The following HEATR4 variants were observed in gnomAD, a reference collection of about 807,000 sequenced individuals.
The protein encoded by HEATR4 is HEAT repeat-containing protein 4.
HEATR4 carries 95 observed loss-of-function variants against 108.8 expected under a neutral mutation model. That is an observed-to-expected ratio of 0.87 (90% confidence interval 0.74 to 1.04). The LOEUF (loss-of-function observed/expected upper bound fraction) is 1.04. Among genes scored for constraint, HEATR4 ranks in the 50% least tolerant of loss-of-function variants. The pLI is 0.00. For synonymous variants in HEATR4, 443 were observed against 459.4 expected (o/e 0.96, Z 0.46); for missense variants, 1,152 against 1,253.8 (o/e 0.92, Z 1.23).
At chr14:73,624,111 AC>A in the HEATR4 span, among the ~76,000 whole-genome samples, 8 of 151,602 alleles carry the variant, frequency 5.3e-5, no homozygotes, top group African/African-American at 1.9e-4. Context: ...ACATAGTGAA[AC>A]CCTGTTTCTA....
chr14:73,570,526 G>A, the HEATR4 span, among the ~76,000 whole-genome samples: 4 of 151,864 alleles, frequency 2.6e-5, no homozygotes, highest in Non-Finnish European at 4.4e-5. Flanking sequence ...CTGAGATCGC[G>A]CCACTGCACT....
chr14:73,612,259 T>G, the HEATR4 span, among the ~76,000 whole-genome samples: 1 of 152,168 alleles, frequency 6.6e-6, no homozygotes, highest in African/African-American at 2.4e-5. Flanking sequence ...AGGCTGGTCT[T>G]GAACTCCTAA....
chr14:73,553,281 C>T (rs562081557), intron 1 of HEATR4, among the ~76,000 whole-genome samples: 2 of 113,968 alleles, frequency 1.8e-5, no homozygotes, highest in African/African-American at 2.8e-5. Context: ...CTGAGGTGGG[C>T]GGATTACCTG....
chr14:73,602,886 G>A, the HEATR4 span, among the ~76,000 whole-genome samples: 6,618 of 152,208 alleles, frequency 0.043, 179 homozygotes, highest in Middle Eastern at 0.075. Context: ...ATTTAGAGAT[G>A]AGAAAAGACA....
intron 14 of HEATR4, among the ~76,000 whole-genome samples, 185 bp from the exon 15 acceptor site, chr14:73,496,864 G>C (rs1201435764): frequency 6.6e-6 from 1 of 152,098 alleles, no homozygotes; most frequent in Non-Finnish European, 1.5e-5. Context: ...TGCAGTTTTT[G>C]AGACAATATA....
the HEATR4 span, among the ~76,000 whole-genome samples, chr14:73,608,135 G>A: frequency 6.6e-6 from 1 of 151,508 alleles, no homozygotes; most frequent in African/African-American, 2.4e-5. Flanking sequence ...ATCTTGGCCA[G>A]GCTGATCTTA....
chr14:73,496,395 T>C (rs1467556404), intron 15 of HEATR4, among the ~76,000 whole-genome samples: 1 of 152,218 alleles, frequency 6.6e-6, no homozygotes. Context: ...ATTTTTGTTT[T>C]GTTTTTGTCT....
the HEATR4 span, chr14:73,592,096 T>C: frequency 6.7e-7 from 1 of 1,500,576 alleles, no homozygotes. Context: ...GGCGCGCTCT[T>C]CCGGGCCCAC....
intron 5 of HEATR4, among the ~76,000 whole-genome samples, chr14:73,516,514 C>T (rs1479477066): frequency 6.8e-6 from 1 of 147,972 alleles, no homozygotes; most frequent in African/African-American, 2.5e-5. Flanking sequence ...GATATTTAAC[C>T]TCATAGGAAT....
chr14:73,491,875 G>GT (rs1384361577), intron 17 of HEATR4: 2 of 1,611,240 alleles, frequency 1.2e-6, no homozygotes, highest in Non-Finnish European at 1.7e-6. Context: ...CCGCCGCCGC[G>GT]TGGTCCCTGT....
At chr14:73,619,253 C>T in the HEATR4 span, 718 of 1,589,902 alleles carry the variant, frequency 4.5e-4, no homozygotes, top group African/African-American at 7.4e-3. Context: ...CCTAGTATTG[C>T]GCTTCTTGGA....
the HEATR4 span, chr14:73,619,243 C>G: frequency 1.3e-6 from 2 of 1,582,352 alleles, no homozygotes; most frequent in South Asian, 2.4e-5. Context: ...GGTGAAAGGT[C>G]CTAGTATTGC....
the HEATR4 span, chr14:73,617,146 T>C: frequency 6.2e-7 from 1 of 1,614,080 alleles, no homozygotes. Flanking sequence ...GATGTACATC[T>C]GGAGTACTTT....
chr14:73,491,704 G>A (rs1249918303), intron 17 of HEATR4: 9 of 1,550,176 alleles, frequency 5.8e-6, no homozygotes, highest in Admixed American at 3.9e-5. Flanking sequence ...AGGCGGTGCT[G>A]GTGCGGCGGC....
At chr14:73,586,343 G>A in the HEATR4 span, among the ~76,000 whole-genome samples, 8 of 151,840 alleles carry the variant, frequency 5.3e-5, no homozygotes, top group Non-Finnish European at 8.8e-5. Flanking sequence ...GCCGTGAGCC[G>A]AGATCACGCC....
At chr14:73,619,514 C>T in the HEATR4 span, 16 of 1,614,094 alleles carry the variant, frequency 9.9e-6, no homozygotes, top group African/African-American at 2.7e-5. Context: ...TTGGAAAAGG[C>T]GCAGGTGCCC....
At chr14:73,519,450 A>C (rs888807283) in intron 4 of HEATR4, among the ~76,000 whole-genome samples, 2 of 152,130 alleles carry the variant, frequency 1.3e-5, no homozygotes, top group African/African-American at 2.4e-5. Context: ...TTTCCTTCCT[A>C]AGGCAGAACC....
the HEATR4 span, chr14:73,617,276 G>T: frequency 6.4e-7 from 1 of 1,564,866 alleles, no homozygotes; most frequent in South Asian, 1.1e-5. Context: ...CCAGAACACT[G>T]AGAACTAGAA....
At chr14:73,567,038 A>T in the HEATR4 span, among the ~76,000 whole-genome samples, 2 of 151,364 alleles carry the variant, frequency 1.3e-5, no homozygotes, top group Non-Finnish European at 3.0e-5. Context: ...CGATCTCCTG[A>T]CCTCATGATC....
Sources: allele counts gnomAD v4.1 joint callset (sites outside exome capture counted in the v4.1 genomes callset), GRCh38; gene constraint gnomAD v4.1.1; transcripts MANE v1.5; gene names NCBI Gene and HGNC (gene_info 2026-07-23, HGNC 2026-07-21).